ADGRA1: variants seen among roughly 807,000 people sequenced by gnomAD.
ADGRA1 encodes G-protein coupled receptor 123.
ADGRA1 carries 12 observed loss-of-function variants against 21.3 expected under a neutral mutation model. That is an observed-to-expected ratio of 0.56 (90% confidence interval 0.36 to 0.91). The LOEUF is 0.91. Ranked by LOEUF, ADGRA1 falls within the 40% of genes least tolerant of loss-of-function variation. The pLI is 0.01. For synonymous variants in ADGRA1, 385 were observed against 368.8 expected (o/e 1.04, Z -0.50); for missense variants, 790 against 805.6 (o/e 0.98, Z 0.23).
At chr10:133,088,647 C>T in intron 1 of ADGRA1, 61 bp from the exon 2 acceptor site, 3 of 1,099,394 alleles carry the variant, frequency 2.7e-6, no homozygotes, top group Non-Finnish European at 3.4e-6. Context: ...GGGGTCGGGG[C>T]TGCGAGCTGC....
At chr10:133,091,513 G>A (rs958044099) in intron 2 of ADGRA1, among the ~76,000 whole-genome samples, 2 of 152,236 alleles carry the variant, frequency 1.3e-5, no homozygotes, top group African/African-American at 4.8e-5. Flanking sequence ...TGTGCCGATG[G>A]CACCATTGCC....
intron 2 of ADGRA1, 108 bp downstream of exon 2, chr10:133,089,020 T>C: frequency 2.4e-6 from 3 of 1,233,796 alleles, no homozygotes; most frequent in Non-Finnish European, 3.0e-6. Context: ...AATGGCGAGC[T>C]GGTGACCGGG....
In ADGRA1 at chr10:133,111,259, A is replaced by C. The variant is rs1281976227; in HGVS notation, c.401+8417A>C. The stretch of plus-strand genomic sequence containing the variant: ...AATCCCACCAGACAACCTGCCCACC[A>C]CAGGCACCTCCCTCCTAATCCCACC... On this transcript the variant is annotated intron_variant, in intron 5 of 6. Transcript: ENST00000392607. 4.1e-4 allele frequency among the ~76,000 whole-genome samples: 37 copies of C among 90,414 alleles called. 1 individual carries two copies. The highest frequency in any genetic ancestry group is 4.3e-4 in the Non-Finnish European group (22 of 51,184). The allele number at this position is 90,414 out of a possible 152,430, so 59.3% of individuals were successfully genotyped here. A position where few individuals can be genotyped will look rare whatever the true frequency, so the allele number is the denominator to read the frequency against.
intron 5 of ADGRA1, among the ~76,000 whole-genome samples, chr10:133,118,098 C>T (rs571815434): frequency 2.6e-5 from 4 of 152,318 alleles, no homozygotes; most frequent in Middle Eastern, 3.4e-3. Context: ...TCAGCACTGG[C>T]ACCGGCTTCC....
intron 5 of ADGRA1, among the ~76,000 whole-genome samples, chr10:133,122,998 C>T (rs1852303271): frequency 6.6e-6 from 1 of 152,236 alleles, no homozygotes; most frequent in African/African-American, 2.4e-5. Flanking sequence ...AGCTGGGGCT[C>T]CCCATGTCCA....
chr10:133,098,285 G>A (rs1851724123), intron 3 of ADGRA1, among the ~76,000 whole-genome samples: 1 of 152,174 alleles, frequency 6.6e-6, no homozygotes, highest in Non-Finnish European at 1.5e-5. Context: ...GACACCCCAT[G>A]CTGGGACCCA....
At chr10:133,122,190 G>C (rs1043837220) in intron 5 of ADGRA1, among the ~76,000 whole-genome samples, 1 of 152,264 alleles carries the variant, frequency 6.6e-6, no homozygotes, top group Admixed American at 6.5e-5. Context: ...TCTCAGAAGG[G>C]CTGCCCTGGG....
chr10:133,088,842 C>A lies in ADGRA1; in HGVS notation c.-68C>A. ...ATGGAGGCTGGCGGGGAGCAGGGCG[C>A]CACCTGATCGCCTCCCCCTGGACGC... On this transcript the variant is annotated 5_prime_UTR_variant, in exon 2 of 7. Coordinates refer to ENST00000392607, the MANE Select transcript of ADGRA1 (RefSeq NM_001083909.3). 22 of 1,236,430 alleles carry A rather than the reference C, an allele frequency of 1.8e-5. No individual in the cohort carries two copies. The highest frequency in any genetic ancestry group is 2.1e-5 in the Non-Finnish European group (21 of 988,022). The allele number at this position is 1,236,430 out of a possible 1,614,324, so 76.6% of individuals were successfully genotyped here.
In ADGRA1 at chr10:133,127,276, G is replaced by C. The variant is rs768499312; in HGVS notation, c.445G>C (p.Val149Leu). Residue 149 changes from valine to leucine, a missense_variant, in exon 6 of 7, where the codon GTC (valine) becomes CTC (leucine). By Grantham distance (32) the Val-to-Leu change is conservative. Coordinates refer to ENST00000392607, the MANE Select transcript of ADGRA1 (RefSeq NM_001083909.3). ...SGGVPFIICG[V>L]TAATNIRNYG... ...AGGGGTCCCCTTTATCATCTGTGGGGTCACGGCTGCCACGAACATCAGGAA... is the reference window on the plus strand; with the variant it reads ...AGGGGTCCCCTTTATCATCTGTGGGCTCACGGCTGCCACGAACATCAGGAA... 1 of 1,600,250 alleles carries C rather than the reference G, an allele frequency of 6.2e-7. No individual in the cohort carries two copies. The highest frequency in any genetic ancestry group is 2.3e-5 in the East Asian group (1 of 43,902).
At chr10:133,109,618 G>A (rs1851951301) in intron 5 of ADGRA1, among the ~76,000 whole-genome samples, 1 of 152,116 alleles carries the variant, frequency 6.6e-6, no homozygotes, top group South Asian at 2.1e-4. Flanking sequence ...CCGACCTTCT[G>A]CCCGGTGCCC....
At chr10:133,114,889 C>T (rs574439517) in intron 5 of ADGRA1, among the ~76,000 whole-genome samples, 121 of 152,352 alleles carry the variant, frequency 7.9e-4, no homozygotes, top group Non-Finnish European at 1.3e-3. Flanking sequence ...CCTGAGGCTG[C>T]GGTTTCCTTG....
Position 133,129,224 on chromosome 10 carries a change from A to T in ADGRA1, c.1396A>T (p.Thr466Ser). 6.5e-7 allele frequency: 1 copy of T among 1,549,688 alleles called. No homozygotes were observed. The highest frequency in any genetic ancestry group is 8.7e-7 in the Non-Finnish European group (1 of 1,146,868). The change falls in exon 7 of 7, where the codon ACA becomes TCA. Residue 466 changes from threonine to serine, a missense_variant. Physicochemically the swap from Thr to Ser is moderately conservative, Grantham distance 58. Transcript: ENST00000392607. ...PPSSLDGPAG[T>S]HTLACCTQGD... is the part of the protein sequence containing the mutation. ...CAGCTCTCTGGATGGCCCGGCGGGG[A>T]CACACACGCTGGCCTGCTGCACCCA...
At chr10:133,120,634 A>C (rs1442448968) in intron 5 of ADGRA1, among the ~76,000 whole-genome samples, 3 of 152,174 alleles carry the variant, frequency 2.0e-5, no homozygotes, top group African/African-American at 7.2e-5. Context: ...GGTTAAAGAG[A>C]GTTAGGGTCT....
chr10:133,123,093 GGGCTCAGGTGGTCTGCA>G (rs1203321628), intron 5 of ADGRA1, among the ~76,000 whole-genome samples: 1 of 152,218 alleles, frequency 6.6e-6, no homozygotes, highest in Non-Finnish European at 1.5e-5. Context: ...TGGTCTCCGA[GGGCTCAGGTGGTCTGCA>G]GGCTCGTCCC....
chr10:133,103,491 C>G (rs750597753), intron 5 of ADGRA1, among the ~76,000 whole-genome samples: 3 of 152,204 alleles, frequency 2.0e-5, no homozygotes, highest in African/African-American at 7.2e-5. Context: ...CCCGCCGCCC[C>G]GGCGGCCTGC....
rs1020696910 is a variant in ADGRA1 at position 133,111,721 on chromosome 10, A to C, written c.401+8879A>C. On this transcript the variant is annotated intron_variant, in intron 5 of 6. Coordinates refer to ENST00000392607, the MANE Select transcript of ADGRA1 (RefSeq NM_001083909.3). Reference sequence around the variant, plus strand: ...AATCCCACCAGACCACCTGCCCGCCACGGGCACCTCCCTCCTAATCCCACC... The same window carrying C: ...AATCCCACCAGACCACCTGCCCGCCCCGGGCACCTCCCTCCTAATCCCACC... Among the ~76,000 whole-genome samples the C allele has an allele frequency of 3.3e-5, 2 of 61,128 alleles. 1 individual carries two copies. The highest frequency in any genetic ancestry group is 2.9e-3 in the East Asian group (2 of 680). 40.1% of individuals were successfully genotyped at this position (61,128 alleles called of 152,430 possible).
Position 133,097,330 on chromosome 10 carries a change from G to A in ADGRA1, c.131+229G>A, listed in dbSNP as rs74466848. On this transcript the variant is annotated intron_variant, in intron 3 of 6. Coordinates refer to ENST00000392607, the MANE Select transcript of ADGRA1 (RefSeq NM_001083909.3). ...GCCGCGCCTGTCCACTCAGGCCTCC[G>A]TCAGGGTCTTCTCCACGGCATCCCC... Among the ~76,000 whole-genome samples the A allele has an allele frequency of 9.7e-4, 148 of 152,340 alleles. 2 individuals carry two copies. The East Asian group carries it at 0.02, about 21-fold the overall frequency.
intron 4 of ADGRA1, among the ~76,000 whole-genome samples, chr10:133,100,559 G>A (rs562167052): frequency 6.6e-6 from 1 of 152,374 alleles, no homozygotes; most frequent in South Asian, 2.1e-4. Context: ...TGGGGCTGCA[G>A]CAGGCAGGTC....
intron 4 of ADGRA1, among the ~76,000 whole-genome samples, chr10:133,100,550 G>A (rs1351624447): frequency 2.6e-5 from 4 of 152,236 alleles, no homozygotes; most frequent in Non-Finnish European, 4.4e-5. Context: ...CTGGGGTGTT[G>A]GGGCTGCAGC....
Sources: allele counts gnomAD v4.1 joint callset (sites outside exome capture counted in the v4.1 genomes callset), GRCh38; gene constraint gnomAD v4.1.1; transcripts MANE v1.5; gene names NCBI Gene and HGNC (gene_info 2026-07-23, HGNC 2026-07-21).